Variants in B3GALNT2 observed in about 807,000 individuals in gnomAD.
B3GALNT2 encodes the protein UDP-GalNAc:beta-1,3-N-acetylgalactosaminyltransferase 2.
Under a neutral mutation model 61.1 loss-of-function variants are expected in B3GALNT2, and 53 were observed. That is an observed-to-expected ratio of 0.87 (90% CI 0.70 to 1.09). B3GALNT2 has a LOEUF of 1.09. B3GALNT2 is among the 50% of genes least tolerant of loss of function. The pLI, the probability that B3GALNT2 is intolerant of heterozygous loss-of-function variation, is 0.00. For synonymous variants in B3GALNT2, 223 were observed against 237.4 expected, an observed-to-expected ratio of 0.94 and a Z score of 0.56; for missense variants, 544 against 623.0, an observed-to-expected ratio of 0.87 and a Z score of 1.35.
Position 235,447,567 on chromosome 1 carries a change from C to CA in B3GALNT2, c.*2638dup, listed in dbSNP as rs1355206813. Reference sequence around the variant, plus strand: ...CGGCGCTGGAAGGGACCTTGTAGATCATTTAGTTGGCACCCTAATTTTACA... The same window carrying CA: ...CGGCGCTGGAAGGGACCTTGTAGATCAATTTAGTTGGCACCCTAATTTTACA... On this transcript the variant is annotated 3_prime_UTR_variant, in exon 12 of 12. Coordinates refer to ENST00000366600, the MANE Select transcript of B3GALNT2 (RefSeq NM_152490.5). 1.3e-5 allele frequency among the ~76,000 whole-genome samples: 2 copies of CA among 152,094 alleles called. No individual in the cohort carries two copies. Among genetic ancestry groups the CA allele is most frequent in the African/African-American group, 4.8e-5 (2 of 41,422 alleles).
At chr1:235,442,263 C>T (rs528195031), downstream of B3GALNT2, among the ~76,000 whole-genome samples, 79 of 152,216 alleles carry the variant, frequency 5.2e-4, no homozygotes, top group Non-Finnish European at 9.7e-4. Context: ...CTCCGCCTCC[C>T]GGGTTCAAGC....
At chr1:235,493,645 G>T (rs780937521) in intron 2 of B3GALNT2, among the ~76,000 whole-genome samples, 1 of 152,104 alleles carries the variant, frequency 6.6e-6, no homozygotes, top group East Asian at 1.9e-4. Context: ...GGGCATGGTG[G>T]CAAGTGCCTG....
intron 3 of B3GALNT2, among the ~76,000 whole-genome samples, chr1:235,488,692 C>CAAAAAAAAAAAAA (rs11436508): frequency 2.6e-5 from 1 of 37,970 alleles, no homozygotes. Flanking sequence ...ACTCCATCTC[C>CAAAAAAAAAAAAA]AAAAAAAAAA....
chr1:235,479,851 G>A lies in B3GALNT2; in HGVS notation c.651+203C>T. 4 of 769,696 alleles carry A rather than the reference G, an allele frequency of 5.2e-6. No homozygotes were observed. In the South Asian group the frequency reaches 1.5e-4, roughly 29 times the overall value. 47.7% of individuals were successfully genotyped at this position (769,696 alleles called of 1,614,324 possible). ...GCAATGTTTTTCAAAAAGTGGTTTT[G>A]GAACCTCTGAGGCCTCATGAAGTCC... On this transcript the variant is annotated intron_variant, in intron 5 of 11. Transcript: ENST00000366600.
At chr1:235,440,063 C>T in the B3GALNT2 span, among the ~76,000 whole-genome samples, 13 of 151,958 alleles carry the variant, frequency 8.6e-5, no homozygotes, top group African/African-American at 2.4e-4. Context: ...CTCCGCCTCC[C>T]GGGTTCACGC....
At chr1:235,493,372 G>T (rs1389192376) in intron 2 of B3GALNT2, among the ~76,000 whole-genome samples, 1 of 152,148 alleles carries the variant, frequency 6.6e-6, no homozygotes, top group African/African-American at 2.4e-5. Flanking sequence ...TGATTCTGAG[G>T]TCTTTCATTT....
chr1:235,455,242 C>T (rs1347227754), intron 9 of B3GALNT2, among the ~76,000 whole-genome samples: 3 of 152,142 alleles, frequency 2.0e-5, no homozygotes, highest in Non-Finnish European at 4.4e-5. Context: ...CTGCCTCAGC[C>T]TCTCAAGTAG....
At chr1:235,500,636 T>C (rs1415770530) in intron 1 of B3GALNT2, among the ~76,000 whole-genome samples, 1 of 152,104 alleles carries the variant, frequency 6.6e-6, no homozygotes, top group East Asian at 1.9e-4. Flanking sequence ...GAAGAAAACA[T>C]GTGAGCCTGT....
chr1:235,455,485 A>C, intron 9 of B3GALNT2, 74 bp downstream of exon 9: 1 of 1,490,422 alleles, frequency 6.7e-7, no homozygotes, highest in Non-Finnish European at 9.2e-7. Context: ...TCAAAAAAAA[A>C]AGATATTTTA....
Position 235,449,057 on chromosome 1 carries a change from C to G in B3GALNT2, c.*1149G>C. 3.0e-6 allele frequency: 1 copy of G among 338,462 alleles called. No individual in the cohort carries two copies. Among genetic ancestry groups the G allele is most frequent in the Admixed American group, 4.3e-5 (1 of 23,024 alleles). 21.0% of individuals were successfully genotyped at this position (338,462 alleles called of 1,614,324 possible). A position where few individuals can be genotyped will look rare whatever the true frequency, so the allele number is the denominator to read the frequency against. ...TAAATATTAAATAGAAAGAAACTAG[C>G]TAGCCTAATAAAATCTGAACACAGT... is the stretch of plus-strand genomic sequence containing the variant. On this transcript the variant is annotated 3_prime_UTR_variant, in exon 12 of 12. Transcript: ENST00000366600.
intron 7 of B3GALNT2, among the ~76,000 whole-genome samples, chr1:235,461,501 C>A (rs1572495245): frequency 6.8e-6 from 1 of 146,904 alleles, no homozygotes; most frequent in African/African-American, 2.5e-5. Flanking sequence ...GGGTAGATGA[C>A]CTCCTGTTTT....
Position 235,450,322 on chromosome 1 carries a change from C to T in B3GALNT2, c.1387G>A (p.Glu463Lys). Residue 463 changes from glutamate to lysine, a missense_variant, in exon 12 of 12, where the codon GAG becomes AAG. Transcript: ENST00000366600. Reference sequence around the variant, plus strand: ...AGCATTCCTGTCTCACAGGTCTTCTCACACAGCCACAGACTGTCCTGTTGA... The same window carrying T: ...AGCATTCCTGTCTCACAGGTCTTCTTACACAGCCACAGACTGTCCTGTTGA... ...KRYQDSLWLC[E>K]KTCETGMLSS... The T allele has an allele frequency of 6.2e-7, 1 of 1,614,050 alleles. No homozygotes were observed.
rs1445755821 is a variant in B3GALNT2, at chr1:235,474,974, TATA to T, written c.652-4017_652-4015del. Among the ~76,000 whole-genome samples the T allele has an allele frequency of 3.0e-3, 104 of 34,786 alleles. 10 individuals carry two copies. The highest frequency in any genetic ancestry group is 0.016 in the Admixed American group (37 of 2,372). The allele number at this position is 34,786 out of a possible 152,430, so 22.8% of individuals were successfully genotyped here. On this transcript the variant is annotated intron_variant, in intron 5 of 11. Coordinates refer to ENST00000366600, the MANE Select transcript of B3GALNT2 (RefSeq NM_152490.5). ...ACATATATATATATATATATATATA[TATA>T]TATATATATATTTTTTTTTTTTTTT... is the stretch of plus-strand genomic sequence containing the variant.
intron 5 of B3GALNT2, among the ~76,000 whole-genome samples, chr1:235,474,090 A>C (rs1684127546): frequency 6.6e-6 from 1 of 152,228 alleles, no homozygotes; most frequent in African/African-American, 2.4e-5. Context: ...GCAAGGAAGA[A>C]GCTTTATCTT....
downstream of B3GALNT2, chr1:235,442,891 T>C (rs768158218): frequency 1.2e-6 from 2 of 1,614,090 alleles, no homozygotes; most frequent in Non-Finnish European, 1.7e-6. Context: ...GATCAGAAAG[T>C]CCTGGAGAAA....
chr1:235,484,570 T>C, intron 3 of B3GALNT2, 55 bp from the exon 4 acceptor site: 11 of 1,522,284 alleles, frequency 7.2e-6, no homozygotes, highest in Non-Finnish European at 9.7e-6. Context: ...TTTGTTTTAC[T>C]AGTAAGAAGT....
intron 5 of B3GALNT2, among the ~76,000 whole-genome samples, chr1:235,476,211 A>G (rs567431448): frequency 7.9e-5 from 12 of 151,762 alleles, no homozygotes; most frequent in Admixed American, 7.2e-4. Context: ...GGAGATCAAG[A>G]CCATCCTGGC....
At chr1:235,444,097 T>C (rs551974175), downstream of B3GALNT2, among the ~76,000 whole-genome samples, 2 of 152,322 alleles carry the variant, frequency 1.3e-5, no homozygotes, top group African/African-American at 2.4e-5. Context: ...TAAATTCACA[T>C]TGATTTTTAA....
chr1:235,490,625 G>A (rs1685018048), intron 2 of B3GALNT2, among the ~76,000 whole-genome samples: 1 of 152,160 alleles, frequency 6.6e-6, no homozygotes, highest in Non-Finnish European at 1.5e-5. Context: ...GTGTGCTAAA[G>A]CCTGCTACTA....
Sources: gnomAD v4.1 joint callset for allele counts (sites outside exome capture counted in the v4.1 genomes callset) on GRCh38, gnomAD v4.1.1 for gene constraint, MANE v1.5 for transcripts, NCBI Gene and HGNC (gene_info 2026-07-23, HGNC 2026-07-21) for gene names.